SP2: variants seen among roughly 807,000 people sequenced by gnomAD.
SP2 encodes Sp2 transcription factor, also known as transcription factor Sp2.
Under a neutral mutation model 50.1 loss-of-function variants are expected in SP2, and 9 were observed. The observed-to-expected ratio is 0.18, with a 90% CI of 0.11 to 0.31. SP2 has a LOEUF of 0.31. Ranked by LOEUF, SP2 falls within the 10% of genes least tolerant of loss-of-function variation. The pLI is 1.00. For missense variants in SP2, 581 were observed against 806.5 expected, an observed-to-expected ratio of 0.72 and a Z score of 3.39; for synonymous variants, 313 against 326.6, an observed-to-expected ratio of 0.96 and a Z score of 0.45.
chr17:47,918,512 C>A (rs186355704), intron 3 of SP2: 1 of 152,208 alleles, frequency 6.6e-6, no homozygotes, highest in Non-Finnish European at 1.5e-5. Context: ...GCCTCCCCTC[C>A]CTTCCATGAG....
At chr17:47,896,845 C>A (rs1037278173) in intron 1 of SP2, among the ~76,000 whole-genome samples, 1 of 152,312 alleles carries the variant, frequency 6.6e-6, no homozygotes, top group South Asian at 2.1e-4. Context: ...GACGACAGCC[C>A]GGTTACTGAT....
chr17:47,908,203 C>T (rs1055931129), intron 1 of SP2, among the ~76,000 whole-genome samples: 2 of 152,204 alleles, frequency 1.3e-5, no homozygotes, highest in African/African-American at 4.8e-5. Flanking sequence ...ACTGAAGAGT[C>T]ACTCAGAACC....
intron 1 of SP2, among the ~76,000 whole-genome samples, chr17:47,911,863 C>T (rs1430686357): frequency 2.0e-5 from 3 of 151,924 alleles, no homozygotes; most frequent in African/African-American, 4.8e-5. Context: ...AAGGCCTCTG[C>T]GGAGATGCCT....
chr17:47,897,832 C>T (rs563282871), intron 1 of SP2: 1 of 984,774 alleles, frequency 1.0e-6, no homozygotes, highest in Non-Finnish European at 1.2e-6. Context: ...ATCTATCAGA[C>T]AACCTATCAA....
At chr17:47,913,037 T>A (rs2035053731) in intron 1 of SP2, among the ~76,000 whole-genome samples, 1 of 151,742 alleles carries the variant, frequency 6.6e-6, no homozygotes, top group East Asian at 1.9e-4. Flanking sequence ...TTTTTTGTCT[T>A]TTTAGTAGAG....
Position 47,896,308 on chromosome 17 carries a change from C to T in SP2, c.7+15C>T. 1 of 1,237,880 alleles carries T rather than the reference C, an allele frequency of 8.1e-7. No homozygotes were observed. 76.7% of individuals were successfully genotyped at this position (1,237,880 alleles called of 1,614,324 possible). ...CGTAATGAGCGGTGGGTCCCGGCCGCTGCCGGCGGGGTCTTCCCGGCCCCC... is the reference window on the plus strand; with the variant it reads ...CGTAATGAGCGGTGGGTCCCGGCCGTTGCCGGCGGGGTCTTCCCGGCCCCC... On this transcript the variant is annotated intron_variant, in intron 1 of 6. Transcript: ENST00000376741.
In SP2 at chr17:47,904,178, T is replaced by TG. The variant is rs549069003; in HGVS notation, c.7+7887dup. On this transcript the variant is annotated intron_variant, in intron 1 of 6. Transcript: ENST00000376741. ...TACTCGGGAGGCTGAGGTAGGAGAATGGCGTGAACCCGGGAGGCGGAGCTT... is the reference window on the plus strand; with the variant it reads ...TACTCGGGAGGCTGAGGTAGGAGAATGGGCGTGAACCCGGGAGGCGGAGCTT... Among the ~76,000 whole-genome samples, 158 of 146,988 alleles carry TG rather than the reference T, an allele frequency of 1.1e-3. 4 individuals are homozygous for TG. In the East Asian group the frequency reaches 0.029, roughly 27 times the overall value.
chr17:47,909,781 T>G, intron 1 of SP2: 1 of 596,798 alleles, frequency 1.7e-6, no homozygotes, highest in Non-Finnish European at 2.1e-6. Context: ...TTTTAAGATG[T>G]CCTTGAACTC....
chr17:47,915,976 TGG>T (rs1374522326), intron 2 of SP2, among the ~76,000 whole-genome samples, 178 bp from the exon 3 acceptor site: 2 of 152,148 alleles, frequency 1.3e-5, no homozygotes, highest in East Asian at 3.9e-4. Context: ...CCTCACTTAA[TGG>T]AGAAACCAGT....
chr17:47,926,971 G>A (rs2035674660), intron 6 of SP2, among the ~76,000 whole-genome samples: 1 of 152,162 alleles, frequency 6.6e-6, no homozygotes, highest in Non-Finnish European at 1.5e-5. Context: ...AGGCAGAGGA[G>A]TCAACACTCC....
intron 1 of SP2, among the ~76,000 whole-genome samples, chr17:47,902,909 C>T (rs1412422431): frequency 3.9e-5 from 6 of 152,200 alleles, no homozygotes; most frequent in African/African-American, 1.4e-4. Flanking sequence ...GCGGGCACCA[C>T]CACGCCCGGC....
At chr17:47,896,796 A>T (rs1386865770) in intron 1 of SP2, among the ~76,000 whole-genome samples, 1 of 152,036 alleles carries the variant, frequency 6.6e-6, no homozygotes, top group Non-Finnish European at 1.5e-5. Context: ...AACGCTTGAG[A>T]CCCGGACGCT....
Position 47,927,864 on chromosome 17 carries a change from A to G in SP2, c.*40A>G. 1 of 1,231,668 alleles carries G rather than the reference A, an allele frequency of 8.1e-7. No homozygotes were observed. The highest frequency in any genetic ancestry group is 1.2e-6 in the Non-Finnish European group (1 of 853,122). The allele number at this position is 1,231,668 out of a possible 1,614,324, so 76.3% of individuals were successfully genotyped here. A position where few individuals can be genotyped will look rare whatever the true frequency, so the allele number is the denominator to read the frequency against. On this transcript the variant is annotated 3_prime_UTR_variant, in exon 7 of 7. Transcript: ENST00000376741. ...GGAGGCCCTGAAGATGCAGTCCCCC[A>G]CCTGTGTCCTCCCTGGGCCCCTGGT...
chr17:47,929,317 G>T (rs944746454), downstream of SP2, among the ~76,000 whole-genome samples: 1 of 152,256 alleles, frequency 6.6e-6, no homozygotes, highest in African/African-American at 2.4e-5. Context: ...CCTGGAGGAA[G>T]GCATTGGCCT....
chr17:47,930,483 A>G (rs2035796033), downstream of SP2, among the ~76,000 whole-genome samples: 1 of 152,168 alleles, frequency 6.6e-6, no homozygotes, highest in African/African-American at 2.4e-5. Context: ...TCCCTTCTCC[A>G]GTGAGATGGG....
At chr17:47,907,154 C>T (rs183816678) in intron 1 of SP2, among the ~76,000 whole-genome samples, 164 of 151,938 alleles carry the variant, frequency 1.1e-3, no homozygotes, top group African/African-American at 3.8e-3. Flanking sequence ...CTAATGCTGC[C>T]GGGAAATGAG....
At chr17:47,919,002 T>TGC (rs149884829) in intron 3 of SP2, among the ~76,000 whole-genome samples, 1 of 151,378 alleles carries the variant, frequency 6.6e-6, no homozygotes, top group Non-Finnish European at 1.5e-5. Flanking sequence ...CAGATGCAAA[T>TGC]ACACACACAC....
At position 47,916,100 on chromosome 17, in the gene SP2, G is replaced by A; in HGVS notation, c.85-56G>A. On this transcript the variant is annotated intron_variant, in intron 2 of 6. Transcript: ENST00000376741. The surrounding 1 kb of genome is among the most constrained non-coding windows in gnomAD (Gnocchi z 4.7). ...CAGGAGGAGAGGATCATGGACAGAG[G>A]CGGCCGGGCAGCGGGCCTTCCTGTC... is the stretch of plus-strand genomic sequence containing the variant. The A allele has an allele frequency of 6.5e-7, 1 of 1,549,996 alleles. No individual in the cohort carries two copies. Among genetic ancestry groups the A allele is most frequent in the South Asian group, 1.2e-5 (1 of 80,370 alleles).
At chr17:47,923,749 GA>G (rs1012032491) in intron 4 of SP2, among the ~76,000 whole-genome samples, 8 of 152,130 alleles carry the variant, frequency 5.3e-5, no homozygotes, top group African/African-American at 1.7e-4. Context: ...CATCCTTAAT[GA>G]ATTTTTTTTT....
Sources: gnomAD v4.1 joint callset for allele counts (sites outside exome capture counted in the v4.1 genomes callset) on GRCh38, gnomAD v4.1.1 for gene constraint, Gnocchi (gnomAD v3.1) non-coding constraint, MANE v1.5 for transcripts, NCBI Gene and HGNC (gene_info 2026-07-23, HGNC 2026-07-21) for gene names.